Variants in PDE1C observed in about 807,000 individuals in gnomAD.
PDE1C encodes the protein phosphodiesterase 1C, also known as dual specificity calcium/calmodulin-dependent 3',5'-cyclic nucleotide phosphodiesterase 1C.
In PDE1C, 62 loss-of-function variants were observed where a neutral mutation model predicts 93.1. The observed-to-expected ratio is 0.67, with a 90% CI of 0.54 to 0.82. PDE1C has a LOEUF of 0.82. Among genes scored for constraint, PDE1C ranks in the 40% least tolerant of loss-of-function variants. The probability of loss-of-function intolerance (pLI) is 0.00; values close to 1 mark genes in which losing one functional copy is unlikely to be tolerated. For synonymous variants in PDE1C, 325 were observed against 310.1 expected (o/e 1.05, Z -0.50); for missense variants, 742 against 884.6 (o/e 0.84, Z 2.04).
At chr7:31,981,766 A>C (rs867748022) in intron 2 of PDE1C, among the ~76,000 whole-genome samples, 1 of 152,232 alleles carries the variant, frequency 6.6e-6, no homozygotes, top group African/African-American at 2.4e-5. Context: ...TGAAAGAGGA[A>C]ATAACAGAGA....
chr7:32,376,998 T>A (rs1266683266), intron 1 of PDE1C, among the ~76,000 whole-genome samples: 1 of 152,000 alleles, frequency 6.6e-6, no homozygotes, highest in Non-Finnish European at 1.5e-5. Context: ...ACTTCCCCTT[T>A]CTAAAGATCC....
chr7:31,639,760 A>G, the PDE1C span, among the ~76,000 whole-genome samples: 24,219 of 148,854 alleles, frequency 0.16, 2,365 homozygotes, highest in Non-Finnish European at 0.2. Flanking sequence ...CTCGTCTTGA[A>G]CTCCTGACCT....
At chr7:32,105,369 C>G (rs1316770298) in intron 3 of PDE1C, among the ~76,000 whole-genome samples, 1 of 152,052 alleles carries the variant, frequency 6.6e-6, no homozygotes, top group Non-Finnish European at 1.5e-5. Context: ...TGCACAGTAA[C>G]TGGTAGCAAC....
At chr7:31,695,440 T>C in the PDE1C span, 4 of 1,576,892 alleles carry the variant, frequency 2.5e-6, no homozygotes, top group Non-Finnish European at 3.4e-6. Context: ...TGTTATATTC[T>C]TTATTTCTTT....
At chr7:32,055,708 A>G (rs1793983476) in intron 1 of PDE1C, among the ~76,000 whole-genome samples, 1 of 152,180 alleles carries the variant, frequency 6.6e-6, no homozygotes, top group Non-Finnish European at 1.5e-5. Flanking sequence ...TGAAAGACAA[A>G]GGGAATTTTT....
At chr7:32,027,465 T>C (rs1460577355) in intron 2 of PDE1C, among the ~76,000 whole-genome samples, 2 of 151,454 alleles carry the variant, frequency 1.3e-5, no homozygotes, top group African/African-American at 4.9e-5. Context: ...TGTGTTTAAA[T>C]AGATACCAAG....
rs1206681018 is a variant in PDE1C, at chr7:31,775,655, T to A, written c.1960+9A>T. 4 of 1,611,584 alleles carry A rather than the reference T, an allele frequency of 2.5e-6. No homozygotes were observed. In the Admixed American group the frequency reaches 5.0e-5, roughly 20 times the overall value. On this transcript the variant is annotated intron_variant, in intron 17 of 17. Transcript: ENST00000396191. ...TCACTAAGATAATGGTGCAATGCTG[T>A]TTACCCACCTGGCAACGTAAGGCGA...
intron 2 of PDE1C, among the ~76,000 whole-genome samples, chr7:31,899,530 C>T (rs943341257): frequency 1.5e-4 from 23 of 152,032 alleles, no homozygotes; most frequent in African/African-American, 5.1e-4. Context: ...CGGGAGATCC[C>T]AAATGCCCGG....
exon 1 of PDE1C, chr7:32,298,762 G>A (rs1270225250): frequency 2.5e-6 from 4 of 1,569,252 alleles, no homozygotes; most frequent in African/African-American, 1.4e-5. Flanking sequence ...CAGGGGCCTC[G>A]CAGCGAGACC....
intron 2 of PDE1C, among the ~76,000 whole-genome samples, chr7:31,913,870 T>C (rs2128943937): frequency 6.6e-6 from 1 of 152,246 alleles, no homozygotes; most frequent in African/African-American, 2.4e-5. Context: ...AACAAAGTTT[T>C]TCAAAAGGAA....
the PDE1C span, among the ~76,000 whole-genome samples, chr7:31,724,236 A>G: frequency 1.3e-5 from 2 of 152,138 alleles, no homozygotes; most frequent in Admixed American, 6.5e-5. Flanking sequence ...GGAGGTGCCC[A>G]TGCTTAGGGG....
chr7:32,063,335 A>G (rs1795023266), intron 1 of PDE1C, among the ~76,000 whole-genome samples: 1 of 152,226 alleles, frequency 6.6e-6, no homozygotes. Context: ...AAAATCCAGG[A>G]GATAGGTCCT....
At chr7:32,208,657 T>C (rs967937033) in intron 2 of PDE1C, among the ~76,000 whole-genome samples, 3 of 152,162 alleles carry the variant, frequency 2.0e-5, no homozygotes, top group African/African-American at 7.2e-5. Context: ...CTCCACCTGG[T>C]GCATAGTGGG....
intron 2 of PDE1C, among the ~76,000 whole-genome samples, chr7:32,193,622 T>C (rs774857100): frequency 5.9e-5 from 9 of 152,192 alleles, no homozygotes; most frequent in Non-Finnish European, 8.8e-5. Flanking sequence ...CTTTTTGTAC[T>C]GTCTTTCTCA....
chr7:32,251,840 G>A (rs1809411314), intron 1 of PDE1C, among the ~76,000 whole-genome samples: 1 of 152,106 alleles, frequency 6.6e-6, no homozygotes, highest in East Asian at 1.9e-4. Flanking sequence ...GCTGACAAAG[G>A]TTGGCCATGG....
At chr7:31,862,078 T>G (rs546475594) in intron 7 of PDE1C, among the ~76,000 whole-genome samples, 1 of 152,312 alleles carries the variant, frequency 6.6e-6, no homozygotes, top group South Asian at 2.1e-4. Context: ...AACTCTGTGG[T>G]CACACTCTTC....
At chr7:32,090,863 T>A (rs980338507) in intron 3 of PDE1C, among the ~76,000 whole-genome samples, 1 of 152,204 alleles carries the variant, frequency 6.6e-6, no homozygotes, top group African/African-American at 2.4e-5. Context: ...CCAGCACATA[T>A]GTGTGCATGC....
At chr7:31,646,715 C>T in the PDE1C span, among the ~76,000 whole-genome samples, 1 of 152,092 alleles carries the variant, frequency 6.6e-6, no homozygotes, top group East Asian at 1.9e-4. Context: ...CTGCAGAAAA[C>T]AGGGAGGTTT....
intron 1 of PDE1C, among the ~76,000 whole-genome samples, chr7:32,422,180 T>C (rs891160450): frequency 1.3e-5 from 2 of 152,084 alleles, no homozygotes; most frequent in Admixed American, 1.3e-4. Context: ...AGAAGGCTGC[T>C]CGTGTCTATT....
Sources: gnomAD v4.1 joint callset for allele counts (sites outside exome capture counted in the v4.1 genomes callset) on GRCh38, gnomAD v4.1.1 for gene constraint, MANE v1.5 for transcripts, NCBI Gene and HGNC (gene_info 2026-07-23, HGNC 2026-07-21) for gene names.